Variants in CNTN4 observed in about 807,000 individuals in gnomAD.
The protein encoded by CNTN4 is contactin 4.
A neutral mutation model predicts 122.5 loss-of-function variants in CNTN4; 77 were observed. That is an observed-to-expected ratio of 0.63 (90% CI 0.52 to 0.76). The LOEUF (loss-of-function observed/expected upper bound fraction) is 0.76. CNTN4 is among the 30% of genes least tolerant of loss of function. CNTN4 has a pLI of 0.00. For missense variants in CNTN4, 1,256 were observed against 1,259.1 expected (o/e 1.00, Z 0.04); for synonymous variants, 512 against 447.0 (o/e 1.15, Z -1.83).
chr3:2,957,270 G>A (rs749343308), intron 13 of CNTN4, among the ~76,000 whole-genome samples: 6 of 151,982 alleles, frequency 3.9e-5, no homozygotes, highest in Non-Finnish European at 5.9e-5. Context: ...TACAAGTGTT[G>A]CCTTTTTTCC....
At chr3:2,181,377 G>A (rs2037007898) in intron 2 of CNTN4, among the ~76,000 whole-genome samples, 1 of 152,092 alleles carries the variant, frequency 6.6e-6, no homozygotes, top group African/African-American at 2.4e-5. Context: ...TAAGGGGACA[G>A]GTGCCTTGTG....
At chr3:2,387,699 T>G (rs750796788) in intron 3 of CNTN4, among the ~76,000 whole-genome samples, 10 of 152,220 alleles carry the variant, frequency 6.6e-5, no homozygotes, top group Non-Finnish European at 1.3e-4. Context: ...AAAAGCCAAT[T>G]TTCAAAGCAG....
intron 12 of CNTN4, among the ~76,000 whole-genome samples, chr3:2,908,355 A>G (rs2094260618): frequency 1.3e-5 from 2 of 152,208 alleles, no homozygotes; most frequent in African/African-American, 4.8e-5. Flanking sequence ...TAAATTGCCA[A>G]ACTTGAAATC....
intron 7 of CNTN4, among the ~76,000 whole-genome samples, chr3:2,820,286 T>C (rs923977547): frequency 6.6e-6 from 1 of 152,184 alleles, no homozygotes; most frequent in Non-Finnish European, 1.5e-5. Context: ...GAAAACAGTT[T>C]ACTTACATAC....
At chr3:2,543,601 A>G (rs947512728) in intron 3 of CNTN4, among the ~76,000 whole-genome samples, 1 of 152,076 alleles carries the variant, frequency 6.6e-6, no homozygotes, top group African/African-American at 2.4e-5. Flanking sequence ...AGTGAGGATA[A>G]TAGGGAGCCA....
chr3:2,359,124 A>G (rs2045003359), intron 3 of CNTN4, among the ~76,000 whole-genome samples: 1 of 152,144 alleles, frequency 6.6e-6, no homozygotes, highest in Non-Finnish European at 1.5e-5. Context: ...GCAGATTTTA[A>G]TCAACCTGTG....
intron 6 of CNTN4, among the ~76,000 whole-genome samples, chr3:2,803,838 G>A (rs1440793652): frequency 4.6e-5 from 7 of 152,054 alleles, no homozygotes; most frequent in African/African-American, 1.4e-4. Flanking sequence ...TGGGATTACA[G>A]GTGAGAGCCA....
At chr3:2,788,427 G>A (rs892702372) in intron 6 of CNTN4, among the ~76,000 whole-genome samples, 9 of 152,188 alleles carry the variant, frequency 5.9e-5, no homozygotes, top group Admixed American at 2.0e-4. Context: ...TTTGGAGATA[G>A]AAATAATTGA....
intron 3 of CNTN4, among the ~76,000 whole-genome samples, chr3:2,398,746 A>C (rs538597894): frequency 6.6e-6 from 1 of 152,298 alleles, no homozygotes; most frequent in Non-Finnish European, 1.5e-5. Flanking sequence ...CACGGAACTG[A>C]GAGTTCCCTG....
intron 3 of CNTN4, among the ~76,000 whole-genome samples, chr3:2,405,213 C>G (rs2046989454): frequency 6.6e-6 from 1 of 152,114 alleles, no homozygotes; most frequent in Non-Finnish European, 1.5e-5. Flanking sequence ...GATTAAATGC[C>G]TAGCTCTTGG....
chr3:2,458,365 G>A (rs1394164634), intron 3 of CNTN4, among the ~76,000 whole-genome samples: 1 of 152,070 alleles, frequency 6.6e-6, no homozygotes, highest in East Asian at 1.9e-4. Context: ...TCTTTCTTGT[G>A]TATAACAGTC....
rs147508898 is a variant in CNTN4, at chr3:2,357,524, C to T, written c.-89+18291C>T. ...AGTAGGTATTGTAAACATAAACATA[C>T]ACAGAAACAGATTTATCTATTTTCC... On this transcript the variant is annotated intron_variant, in intron 3 of 24. Transcript: ENST00000418658. Among the ~76,000 whole-genome samples, 6 of 152,276 alleles carry T rather than the reference C, an allele frequency of 3.9e-5. 1 individual carries two copies. The highest frequency in any genetic ancestry group is 3.3e-4 in the Admixed American group (5 of 15,306).
chr3:2,966,263 A>G (rs1463001853), intron 13 of CNTN4, among the ~76,000 whole-genome samples: 1 of 152,190 alleles, frequency 6.6e-6, no homozygotes, highest in African/African-American at 2.4e-5. Context: ...GTTGATAGCT[A>G]GTATAAATCT....
chr3:2,308,112 T>C (rs1219921795), intron 2 of CNTN4, among the ~76,000 whole-genome samples: 1 of 152,124 alleles, frequency 6.6e-6, no homozygotes, highest in Non-Finnish European at 1.5e-5. Flanking sequence ...CTGTTTCTTC[T>C]TGAATAAATT....
intron 6 of CNTN4, among the ~76,000 whole-genome samples, chr3:2,817,298 C>T (rs2092759245): frequency 6.6e-6 from 1 of 152,174 alleles, no homozygotes. Flanking sequence ...AAATTAAGAC[C>T]TGCCCATGGT....
intron 13 of CNTN4, among the ~76,000 whole-genome samples, chr3:2,940,290 G>A (rs1226511126): frequency 6.6e-6 from 1 of 152,224 alleles, no homozygotes; most frequent in Non-Finnish European, 1.5e-5. Flanking sequence ...TGAATGGACA[G>A]TGGTCAACAA....
At chr3:2,852,493 A>C (rs1029322119) in intron 7 of CNTN4, among the ~76,000 whole-genome samples, 1 of 152,222 alleles carries the variant, frequency 6.6e-6, no homozygotes, top group African/African-American at 2.4e-5. Flanking sequence ...TTGCCTTATC[A>C]ACAATAATAA....
At chr3:2,921,519 C>G (rs1180182587) in intron 12 of CNTN4, among the ~76,000 whole-genome samples, 2 of 152,184 alleles carry the variant, frequency 1.3e-5, no homozygotes, top group South Asian at 4.1e-4. Flanking sequence ...TGCATTTACT[C>G]TAAGCTTGTT....
intron 2 of CNTN4, among the ~76,000 whole-genome samples, chr3:2,160,697 C>T (rs1463583289): frequency 1.3e-5 from 2 of 152,080 alleles, no homozygotes; most frequent in Admixed American, 6.6e-5. Context: ...AGAAAGGGTC[C>T]CTTAAACTTC....
Sources: allele counts gnomAD v4.1 joint callset (sites outside exome capture counted in the v4.1 genomes callset), GRCh38; gene constraint gnomAD v4.1.1; transcripts MANE v1.5; gene names NCBI Gene and HGNC (gene_info 2026-07-23, HGNC 2026-07-21).